MBP: variants seen among roughly 807,000 people sequenced by gnomAD.
The protein encoded by MBP is Golli-MBP.
A neutral mutation model predicts 35.8 loss-of-function variants in MBP; 16 were observed. The ratio of observed to expected loss-of-function variants is 0.45; its 90% CI spans 0.30 to 0.68. The LOEUF is 0.68. MBP is among the 30% of genes least tolerant of loss of function. The pLI, the probability that MBP is intolerant of heterozygous loss-of-function variation, is 0.08. For missense variants in MBP, 380 were observed against 404.7 expected (o/e 0.94, Z 0.52); for synonymous variants, 143 against 159.6 (o/e 0.90, Z 0.78).
intron 4 of MBP, chr18:77,006,192 A>G (rs948890489): frequency 1.3e-5 from 2 of 152,330 alleles, no homozygotes; most frequent in African/African-American, 2.4e-5. Flanking sequence ...CATGGGCGCC[A>G]AGGCTGAGGG....
intron 1 of MBP, among the ~76,000 whole-genome samples, chr18:77,129,556 G>T (rs1032278692): frequency 2.0e-5 from 3 of 152,212 alleles, no homozygotes; most frequent in Non-Finnish European, 4.4e-5. Context: ...TTTTGACAGA[G>T]ATTTAAAATC....
At chr18:76,982,291 G>C (rs1234081461) in intron 8 of MBP, 1 of 152,238 alleles carries the variant, frequency 6.6e-6, no homozygotes. Context: ...CATGATCTCA[G>C]CATCTGATCC....
In MBP at chr18:77,027,548, C is replaced by T. The variant is rs560441759; in HGVS notation, c.140-10280G>A. ...CGCCCTCGGCACACATTCCAGACCC[C>T]ACAGGCCCCTTGCATACACATAGAG... On this transcript the variant is annotated intron_variant, in intron 3 of 8. Transcript: ENST00000355994. Among the ~76,000 whole-genome samples, 11 of 149,628 alleles carry T rather than the reference C, an allele frequency of 7.4e-5. 1 individual carries two copies. In the Admixed American group the frequency reaches 7.4e-4, roughly 10 times the overall value.
chr18:77,009,613 C>T (rs991296079), intron 4 of MBP, among the ~76,000 whole-genome samples: 2 of 152,248 alleles, frequency 1.3e-5, no homozygotes, highest in Non-Finnish European at 2.9e-5. Context: ...CAGAGGATTC[C>T]CTCCAAGGAT....
At chr18:76,984,976 C>T (rs1969456796) in intron 7 of MBP, 82 bp from the exon 8 acceptor site, 5 of 1,583,896 alleles carry the variant, frequency 3.2e-6, no homozygotes, top group South Asian at 1.1e-5. Flanking sequence ...GCCACCAGGG[C>T]CCCGGGGAAG....
At chr18:76,992,248 T>A (rs1303605887) in intron 4 of MBP, among the ~76,000 whole-genome samples, 1 of 152,140 alleles carries the variant, frequency 6.6e-6, no homozygotes, top group Non-Finnish European at 1.5e-5. Context: ...ATGAAACTGT[T>A]CCACCTCAGA....
intron 3 of MBP, among the ~76,000 whole-genome samples, chr18:77,035,053 AG>A (rs1444918040): frequency 2.6e-5 from 4 of 152,204 alleles, no homozygotes; most frequent in Non-Finnish European, 4.4e-5. Flanking sequence ...GCATGCCCCA[AG>A]TTTACCTTCC....
chr18:77,011,781 A>C (rs764906144), intron 4 of MBP, among the ~76,000 whole-genome samples: 1 of 152,234 alleles, frequency 6.6e-6, no homozygotes, highest in Non-Finnish European at 1.5e-5. Flanking sequence ...ATGATTTCAG[A>C]GCATTAAGAG....
At chr18:76,986,165 C>T (rs72987269) in intron 7 of MBP, 23,607 of 985,504 alleles carry the variant, frequency 0.024, 330 homozygotes, top group Non-Finnish European at 0.026. Context: ...TTTCAGGGAT[C>T]TTGGTTGGCC....
At chr18:77,053,057 A>G (rs112752791) in intron 3 of MBP, among the ~76,000 whole-genome samples, 8,403 of 152,322 alleles carry the variant, frequency 0.055, 738 homozygotes, top group African/African-American at 0.18. Flanking sequence ...GAAGGCCCCA[A>G]AAGAAGCCAA....
chr18:77,108,481 A>T (rs1300131985), intron 1 of MBP: 2 of 152,220 alleles, frequency 1.3e-5, no homozygotes, highest in Non-Finnish European at 2.9e-5. Flanking sequence ...AGACTTTCAG[A>T]TTCCATCAGG....
intron 4 of MBP, chr18:77,010,177 C>T (rs1971264056): frequency 9.4e-6 from 5 of 529,160 alleles, no homozygotes; most frequent in African/African-American, 3.9e-5. Flanking sequence ...CTCAGGAAAT[C>T]GAGAGCAAAA....
chr18:77,034,432 G>A (rs1218594739), intron 3 of MBP, among the ~76,000 whole-genome samples: 1 of 152,136 alleles, frequency 6.6e-6, no homozygotes, highest in Non-Finnish European at 1.5e-5. Flanking sequence ...GACTCCAGTT[G>A]AGCCTGACCC....
chr18:76,990,104 C>T (rs368282077), intron 4 of MBP, 44 bp from the exon 5 acceptor site: 1 of 1,350,700 alleles, frequency 7.4e-7, no homozygotes, highest in Non-Finnish European at 1.0e-6. Flanking sequence ...GTCCACAGTC[C>T]CTGCGGCTTG....
chr18:77,081,841 C>CACACAA (rs1555726099), intron 2 of MBP, among the ~76,000 whole-genome samples: 1 of 41,036 alleles, frequency 2.4e-5, no homozygotes, highest in Non-Finnish European at 6.4e-5. Context: ...CACACACACA[C>CACACAA]ATATATATAT....
In MBP at chr18:77,128,277, C is replaced by T. The variant is rs570402210; in HGVS notation, c.-26+4303G>A. 8.7e-4 allele frequency among the ~76,000 whole-genome samples: 132 copies of T among 152,286 alleles called. 1 individual carries two copies. Among genetic ancestry groups the T allele is most frequent in the African/African-American group, 3.1e-3 (127 of 41,558 alleles). On this transcript the variant is annotated intron_variant, in intron 1 of 8. Transcript: ENST00000355994. ...GGGAATTGCGTTTAGCGGAAAAAGCCAGTCTCGAAAGGTTGCATAGTGTAT... is the reference window on the plus strand; with the variant it reads ...GGGAATTGCGTTTAGCGGAAAAAGCTAGTCTCGAAAGGTTGCATAGTGTAT...
At chr18:77,078,876 G>A (rs1386143575) in intron 2 of MBP, among the ~76,000 whole-genome samples, 1 of 152,244 alleles carries the variant, frequency 6.6e-6, no homozygotes, top group African/African-American at 2.4e-5. Context: ...GGAGCTGGGA[G>A]CCCCAGGCGG....
chr18:76,992,314 C>T (rs918943321), intron 4 of MBP, among the ~76,000 whole-genome samples: 18 of 152,158 alleles, frequency 1.2e-4, no homozygotes, highest in Non-Finnish European at 2.4e-4. Context: ...TCGAACATGC[C>T]ATTCCCAGTA....
intron 3 of MBP, among the ~76,000 whole-genome samples, chr18:77,043,423 T>C (rs1973093912): frequency 6.6e-6 from 1 of 151,068 alleles, no homozygotes; most frequent in South Asian, 2.1e-4. Context: ...AGGGACAACA[T>C]GGCAGAGATT....
Sources: allele counts gnomAD v4.1 joint callset (sites outside exome capture counted in the v4.1 genomes callset), GRCh38; gene constraint gnomAD v4.1.1; transcripts MANE v1.5; gene names NCBI Gene and HGNC (gene_info 2026-07-23, HGNC 2026-07-21).